The following ASTN2 variants were observed in gnomAD, a reference collection of about 807,000 sequenced individuals.
ASTN2 encodes the protein astrotactin-2.
Under a neutral mutation model 139.8 loss-of-function variants are expected in ASTN2, and 54 were observed. That is an observed-to-expected ratio of 0.39 (90% confidence interval 0.31 to 0.48). The LOEUF (loss-of-function observed/expected upper bound fraction) is 0.48. Ranked by LOEUF, ASTN2 falls within the 20% of genes least tolerant of loss-of-function variation. The probability of loss-of-function intolerance (pLI) is 0.95; values close to 1 mark genes in which losing one functional copy is unlikely to be tolerated. For missense variants in ASTN2, 1,565 were observed against 1,725.1 expected (o/e 0.91, Z 1.64); for synonymous variants, 756 against 719.5 (o/e 1.05, Z -0.81).
At chr9:116,478,799 C>T (rs540050517) in intron 20 of ASTN2, among the ~76,000 whole-genome samples, 35 of 151,990 alleles carry the variant, frequency 2.3e-4, no homozygotes, top group African/African-American at 6.3e-4. Context: ...TCGAACCAGC[C>T]TGGCCAATAT....
intron 1 of ASTN2, among the ~76,000 whole-genome samples, chr9:117,373,081 C>G (rs1387503554): frequency 6.6e-6 from 1 of 152,090 alleles, no homozygotes; most frequent in African/African-American, 2.4e-5. Flanking sequence ...CTGTCATTCG[C>G]ATCATTGTTA....
intron 1 of ASTN2, among the ~76,000 whole-genome samples, chr9:117,354,214 AC>A (rs1829472434): frequency 6.6e-6 from 1 of 152,014 alleles, no homozygotes; most frequent in South Asian, 2.1e-4. Context: ...GCCTAAAACT[AC>A]CCCCAAAAAT....
chr9:117,400,111 C>G (rs575447243), intron 1 of ASTN2, among the ~76,000 whole-genome samples: 2 of 152,190 alleles, frequency 1.3e-5, no homozygotes, highest in South Asian at 4.1e-4. Context: ...CCCAATCTTC[C>G]CCTGCTTTCC....
intron 19 of ASTN2, among the ~76,000 whole-genome samples, chr9:116,503,188 G>A (rs534847246): frequency 6.7e-6 from 1 of 150,184 alleles, no homozygotes; most frequent in South Asian, 2.1e-4. Context: ...GAAGGAGGGA[G>A]GAAGGAAGGA....
At chr9:116,500,035 C>G (rs1028479676) in intron 19 of ASTN2, among the ~76,000 whole-genome samples, 1 of 152,140 alleles carries the variant, frequency 6.6e-6, no homozygotes, top group African/African-American at 2.4e-5. Flanking sequence ...CCAGACACCA[C>G]ACCCCAGGAA....
At chr9:117,346,010 C>CAAAAAAAAAAGAAAAAAAAAAAAAA (rs1829204129) in intron 1 of ASTN2, among the ~76,000 whole-genome samples, 1 of 92,336 alleles carries the variant, frequency 1.1e-5, no homozygotes, top group Non-Finnish European at 2.3e-5. Flanking sequence ...AACTAAGAGG[C>CAAAAAAAAAAGAAAAAAAAAAAAAA]AAAAAAAAAA....
At chr9:116,434,441 A>C (rs1847587852) in intron 22 of ASTN2, among the ~76,000 whole-genome samples, 1 of 152,228 alleles carries the variant, frequency 6.6e-6, no homozygotes, top group Admixed American at 6.5e-5. Context: ...CTAAGAACAC[A>C]GCAGTGGATG....
chr9:116,520,016 A>G (rs1228218772), intron 19 of ASTN2, among the ~76,000 whole-genome samples: 1 of 152,118 alleles, frequency 6.6e-6, no homozygotes, highest in African/African-American at 2.4e-5. Flanking sequence ...AATAATTTAA[A>G]AACTACCAAC....
intron 19 of ASTN2, among the ~76,000 whole-genome samples, chr9:116,609,339 TACACACACACAC>T (rs60507061): frequency 7.1e-6 from 1 of 140,384 alleles, no homozygotes; most frequent in Non-Finnish European, 1.5e-5. Context: ...TATATATATA[TACACACACACAC>T]ATATATACAT....
At chr9:117,371,616 T>A (rs551570250) in intron 1 of ASTN2, among the ~76,000 whole-genome samples, 12 of 152,296 alleles carry the variant, frequency 7.9e-5, no homozygotes, top group Non-Finnish European at 1.8e-4. Context: ...CCTCAATTTC[T>A]TGATCTGTAA....
At chr9:116,796,566 T>C (rs539800603) in intron 13 of ASTN2, among the ~76,000 whole-genome samples, 123 of 152,012 alleles carry the variant, frequency 8.1e-4, no homozygotes, top group African/African-American at 2.8e-3. Flanking sequence ...GGGAGAAGAA[T>C]GGCCAAGGGT....
intron 3 of ASTN2, among the ~76,000 whole-genome samples, chr9:117,208,851 G>T (rs1832024816): frequency 1.3e-5 from 2 of 152,168 alleles, no homozygotes; most frequent in African/African-American, 4.8e-5. Context: ...ATAACTGTCA[G>T]TCAGGAATAC....
At position 116,788,769 on chromosome 9, in the gene ASTN2, A is replaced by AT. The variant is rs571309477; in HGVS notation, c.2396+16862dup. 9.9e-5 allele frequency among the ~76,000 whole-genome samples: 15 copies of AT among 152,128 alleles called. 1 individual carries two copies. Among genetic ancestry groups the AT allele is most frequent in the African/African-American group, 3.4e-4 (14 of 41,484 alleles). On this transcript the variant is annotated intron_variant, in intron 13 of 22. Transcript: ENST00000313400. ...CTCTCATTAAGAAGAATTCAATCCTATTTTTTTTCTATGACAAGGGGTGAC... is the reference window on the plus strand; with the variant it reads ...CTCTCATTAAGAAGAATTCAATCCTATTTTTTTTTCTATGACAAGGGGTGAC...
chr9:116,681,143 A>G (rs1859838258), intron 16 of ASTN2, among the ~76,000 whole-genome samples: 1 of 152,202 alleles, frequency 6.6e-6, no homozygotes, highest in Non-Finnish European at 1.5e-5. Context: ...TCAGCCCAAA[A>G]TCTCCTTAAG....
At chr9:116,737,687 T>A (rs368614240) in intron 13 of ASTN2, among the ~76,000 whole-genome samples, 38 of 150,828 alleles carry the variant, frequency 2.5e-4, no homozygotes, top group African/African-American at 8.3e-4. Context: ...GCAATAATGA[T>A]AATATTTACA....
chr9:116,754,380 C>T lies in ASTN2; in HGVS notation c.2397-20857G>A, dbSNP rs112231556. Reference sequence around the variant, plus strand: ...TTCTAGTTCTAGATTGTTGAGGAATCGCCACACTGTCTTCCACAATGGTTG... The same window carrying T: ...TTCTAGTTCTAGATTGTTGAGGAATTGCCACACTGTCTTCCACAATGGTTG... On this transcript the variant is annotated intron_variant, in intron 13 of 22. Transcript: ENST00000313400. Among the ~76,000 whole-genome samples, 55 of 152,260 alleles carry T rather than the reference C, an allele frequency of 3.6e-4. 2 individuals are homozygous for T. The highest frequency in any genetic ancestry group is 1.1e-3 in the African/African-American group (45 of 41,546).
chr9:116,597,514 T>G (rs1199765896), intron 19 of ASTN2, among the ~76,000 whole-genome samples: 2 of 151,846 alleles, frequency 1.3e-5, no homozygotes, highest in African/African-American at 4.8e-5. Context: ...ATGGTCTTGA[T>G]CTCCTGACCT....
At chr9:116,677,722 T>C (rs1176123144) in intron 16 of ASTN2, among the ~76,000 whole-genome samples, 1 of 152,212 alleles carries the variant, frequency 6.6e-6, no homozygotes, top group Non-Finnish European at 1.5e-5. Flanking sequence ...TCTCCCATAG[T>C]ATTTCCCTCC....
chr9:117,073,667 G>T (rs137876971), intron 5 of ASTN2, among the ~76,000 whole-genome samples: 8 of 152,200 alleles, frequency 5.3e-5, no homozygotes, highest in Non-Finnish European at 1.2e-4. Flanking sequence ...AATGAATGAA[G>T]GGACAAACCA....
Sources: gnomAD v4.1 joint callset for allele counts (sites outside exome capture counted in the v4.1 genomes callset) on GRCh38, gnomAD v4.1.1 for gene constraint, MANE v1.5 for transcripts, NCBI Gene and HGNC (gene_info 2026-07-23, HGNC 2026-07-21) for gene names.